ADGRL2: variants seen among roughly 807,000 people sequenced by gnomAD.
ADGRL2 encodes the protein calcium-independent alpha-latrotoxin receptor 2.
A neutral mutation model predicts 157.4 loss-of-function variants in ADGRL2; 44 were observed. The ratio of observed to expected loss-of-function variants is 0.28; its 90% CI spans 0.22 to 0.36. The LOEUF (loss-of-function observed/expected upper bound fraction) is 0.36, where lower values mean the gene tolerates loss of function less well. Ranked by LOEUF, ADGRL2 falls within the 10% of genes least tolerant of loss-of-function variation. The pLI, the probability that ADGRL2 is intolerant of heterozygous loss-of-function variation, is 1.00. For synonymous variants in ADGRL2, 585 were observed against 624.7 expected (o/e 0.94, Z 0.95); for missense variants, 1,510 against 1,768.9 (o/e 0.85, Z 2.63).
At chr1:81,389,306 G>C (rs1214973867) in intron 1 of ADGRL2, among the ~76,000 whole-genome samples, 3 of 152,034 alleles carry the variant, frequency 2.0e-5, no homozygotes, top group Admixed American at 2.0e-4. Context: ...TTACATTCCA[G>C]TCAGAGTCAT....
intron 2 of ADGRL2, among the ~76,000 whole-genome samples, chr1:81,539,879 C>A (rs986855643): frequency 2.6e-5 from 4 of 151,274 alleles, no homozygotes; most frequent in African/African-American, 7.3e-5. Context: ...CAGACAATTT[C>A]TCTTACATCC....
At chr1:81,543,142 C>T (rs1012667582) in intron 2 of ADGRL2, among the ~76,000 whole-genome samples, 10 of 151,930 alleles carry the variant, frequency 6.6e-5, no homozygotes, top group South Asian at 4.2e-4. Context: ...GACCCTGGAA[C>T]ATATATGCTA....
chr1:81,372,814 G>A (rs986302528), intron 1 of ADGRL2, among the ~76,000 whole-genome samples: 1 of 152,166 alleles, frequency 6.6e-6, no homozygotes, highest in African/African-American at 2.4e-5. Flanking sequence ...ACAGATTGAT[G>A]ATGTACTCCC....
intron 1 of ADGRL2, among the ~76,000 whole-genome samples, chr1:81,752,662 T>C (rs1427826632): frequency 1.3e-5 from 2 of 152,182 alleles, no homozygotes; most frequent in Non-Finnish European, 2.9e-5. Flanking sequence ...TAGCTGGTAC[T>C]ACAGGTCCTG....
At chr1:81,306,659 G>C (rs1489529209) in intron 1 of ADGRL2, 1 of 152,144 alleles carries the variant, frequency 6.6e-6, no homozygotes, top group East Asian at 1.9e-4. Context: ...TAACCATATA[G>C]GTACAATTGT....
chr1:81,918,066 G>A (rs377348455), intron 3 of ADGRL2, among the ~76,000 whole-genome samples: 3 of 152,128 alleles, frequency 2.0e-5, no homozygotes, highest in Non-Finnish European at 4.4e-5. Context: ...ATAGCCAAGC[G>A]CATTTAGAGA....
At chr1:81,494,999 T>A (rs2078703425) in intron 2 of ADGRL2, among the ~76,000 whole-genome samples, 1 of 152,086 alleles carries the variant, frequency 6.6e-6, no homozygotes, top group Admixed American at 6.6e-5. Context: ...CCTTTTAAGC[T>A]TTCAAATGCC....
At chr1:81,312,479 C>A (rs986452800) in intron 1 of ADGRL2, among the ~76,000 whole-genome samples, 6 of 152,142 alleles carry the variant, frequency 3.9e-5, no homozygotes, top group Admixed American at 6.6e-5. Context: ...ACTTTCTTTC[C>A]CCTTCTGGGT....
At chr1:81,307,234 A>C (rs540188602) in intron 1 of ADGRL2, among the ~76,000 whole-genome samples, 1 of 152,360 alleles carries the variant, frequency 6.6e-6, no homozygotes, top group African/African-American at 2.4e-5. Context: ...TTTGAGAATG[A>C]TTTCAATAGC....
At chr1:81,930,779 AC>A (rs1221990851) in intron 3 of ADGRL2, among the ~76,000 whole-genome samples, 1 of 151,908 alleles carries the variant, frequency 6.6e-6, no homozygotes, top group Non-Finnish European at 1.5e-5. Context: ...TGAAACCCTC[AC>A]CCCCACACCT....
intron 2 of ADGRL2, among the ~76,000 whole-genome samples, chr1:81,511,400 G>GCGCACA (rs1553172037): frequency 3.6e-4 from 46 of 127,220 alleles, no homozygotes; most frequent in African/African-American, 1.3e-3. Context: ...AAAAAAGCGC[G>GCGCACA]CACACACACA....
intron 1 of ADGRL2, among the ~76,000 whole-genome samples, chr1:81,411,954 T>C (rs1327266655): frequency 6.6e-6 from 1 of 152,096 alleles, no homozygotes; most frequent in Non-Finnish European, 1.5e-5. Flanking sequence ...AAGTCTCAGA[T>C]TCTGATAGCT....
chr1:81,460,950 C>T (rs904553277), intron 2 of ADGRL2, among the ~76,000 whole-genome samples: 45 of 152,324 alleles, frequency 3.0e-4, no homozygotes, highest in African/African-American at 1.0e-3. Context: ...AGTACTTATG[C>T]AGATGTATGA....
At chr1:81,682,447 C>A (rs1437344088) in intron 3 of ADGRL2, among the ~76,000 whole-genome samples, 1 of 152,152 alleles carries the variant, frequency 6.6e-6, no homozygotes, top group Admixed American at 6.6e-5. Flanking sequence ...TACTATGTTT[C>A]ATATGCTTCA....
intron 2 of ADGRL2, among the ~76,000 whole-genome samples, chr1:81,869,940 G>A (rs1036505831): frequency 6.6e-6 from 1 of 151,900 alleles, no homozygotes; most frequent in Non-Finnish European, 1.5e-5. Flanking sequence ...ATGTTTAATG[G>A]CTGTGCATCT....
At chr1:81,528,577 G>A (rs148821984) in intron 2 of ADGRL2, among the ~76,000 whole-genome samples, 1,920 of 151,040 alleles carry the variant, frequency 0.013, 59 homozygotes, top group African/African-American at 0.045. Context: ...AACCAGGGTG[G>A]CGGAGCTTGC....
At chr1:81,502,365 A>T in intron 2 of ADGRL2, 1 of 1,614,158 alleles carries the variant, frequency 6.2e-7, no homozygotes, top group South Asian at 1.1e-5. Context: ...GATGATGCAG[A>T]TGGAGGCCGG....
chr1:81,890,193 G>A (rs2094224487), intron 2 of ADGRL2, among the ~76,000 whole-genome samples: 1 of 152,178 alleles, frequency 6.6e-6, no homozygotes, highest in Admixed American at 6.5e-5. Context: ...AGGAGAAGCA[G>A]AGCAGATAGA....
At chr1:81,550,099 G>A (rs2080109915) in intron 2 of ADGRL2, among the ~76,000 whole-genome samples, 1 of 152,236 alleles carries the variant, frequency 6.6e-6, no homozygotes, top group East Asian at 1.9e-4. Flanking sequence ...GCAGAGCAGA[G>A]GTAAATTAAG....
Sources: allele counts gnomAD v4.1 joint callset (sites outside exome capture counted in the v4.1 genomes callset), GRCh38; gene constraint gnomAD v4.1.1; transcripts MANE v1.5; gene names NCBI Gene and HGNC (gene_info 2026-07-23, HGNC 2026-07-21).